Variants in NEO1 observed in about 807,000 individuals in gnomAD.
The protein encoded by NEO1 is neogenin.
NEO1 carries 63 observed loss-of-function variants against 159.7 expected under a neutral mutation model. The observed-to-expected ratio is 0.39, with a 90% CI of 0.32 to 0.49. NEO1 has a LOEUF of 0.49. Ranked by LOEUF, NEO1 falls within the 20% of genes least tolerant of loss-of-function variation. The pLI, the probability that NEO1 is intolerant of heterozygous loss-of-function variation, is 0.85. For missense variants in NEO1, 1,615 were observed against 1,831.0 expected, an observed-to-expected ratio of 0.88 and a Z score of 2.15; for synonymous variants, 633 against 662.0, an observed-to-expected ratio of 0.96 and a Z score of 0.67.
intron 1 of NEO1, among the ~76,000 whole-genome samples, chr15:73,063,718 A>G (rs756213162): frequency 1.3e-5 from 2 of 152,118 alleles, no homozygotes; most frequent in Non-Finnish European, 2.9e-5. Context: ...AGCAACAGAA[A>G]TGTTCCGTAA....
intron 1 of NEO1, among the ~76,000 whole-genome samples, chr15:73,057,867 CTT>C (rs944053875): frequency 5.3e-5 from 8 of 152,138 alleles, no homozygotes; most frequent in Admixed American, 2.0e-4. Flanking sequence ...ATTTTAAAAA[CTT>C]ATTTAAAAAT....
At chr15:73,161,427 C>T (rs1385510218) in intron 5 of NEO1, among the ~76,000 whole-genome samples, 4 of 152,090 alleles carry the variant, frequency 2.6e-5, no homozygotes, top group Non-Finnish European at 4.4e-5. Flanking sequence ...ATAGTTGTGC[C>T]TCCATTTTTT....
chr15:73,142,613 G>A (rs1399338172), intron 5 of NEO1, among the ~76,000 whole-genome samples: 1 of 152,162 alleles, frequency 6.6e-6, no homozygotes, highest in East Asian at 1.9e-4. Flanking sequence ...CTTTCAAAAG[G>A]CAGAGGATTT....
intron 1 of NEO1, 96 bp from the exon 2 acceptor site, chr15:73,116,444 A>G (rs955960110): frequency 1.0e-6 from 1 of 999,658 alleles, no homozygotes. Flanking sequence ...TCAAAGAACA[A>G]CAGTTAATAA....
chr15:73,156,574 G>GT (rs1188116536), intron 5 of NEO1, among the ~76,000 whole-genome samples: 1 of 152,220 alleles, frequency 6.6e-6, no homozygotes, highest in Non-Finnish European at 1.5e-5. Context: ...ATTCACAAGT[G>GT]TTGTGCCCTT....
chr15:73,236,506 G>A lies in NEO1; in HGVS notation c.1451G>A (p.Arg484Lys), dbSNP rs139850324. Residue 484 changes from arginine to lysine, a missense_variant and splice_region_variant, in exon 8 of 29, where the codon AGG (arginine) becomes AAG (lysine). Transcript: ENST00000261908. Reference sequence around the variant, plus strand: ...TTCTACACCAAGGAAGGGATTGCTAGGTAAGTGCCTGTGTGTCTGCAGCCA... The same window carrying A: ...TTCTACACCAAGGAAGGGATTGCTAAGTAAGTGCCTGTGTGTCTGCAGCCA... ...SVFYTKEGIARERVENTSHPG... is the reference protein window; with the variant it reads ...SVFYTKEGIAKERVENTSHPG... The A allele has an allele frequency of 6.2e-7, 1 of 1,613,834 alleles. No individual in the cohort carries two copies. The highest frequency in any genetic ancestry group is 8.5e-7 in the Non-Finnish European group (1 of 1,179,826).
chr15:73,253,365 AAAAAAAAATTTTT>A (rs1265370135), intron 11 of NEO1, 22 bp from the exon 12 acceptor site: 1 of 1,468,026 alleles, frequency 6.8e-7, no homozygotes, highest in Non-Finnish European at 9.3e-7. Context: ...TGGGTGATTA[AAAAAAAAATTTTT>A]TTTTTTTTTT....
chr15:73,157,267 CTT>C (rs1567337184), intron 5 of NEO1, among the ~76,000 whole-genome samples: 1 of 152,226 alleles, frequency 6.6e-6, no homozygotes, highest in Non-Finnish European at 1.5e-5. Context: ...CAGACTCTTG[CTT>C]GAGTCCCAGT....
chr15:73,302,751 C>A lies in NEO1; in HGVS notation c.*55C>A. 6.7e-7 allele frequency: 1 copy of A among 1,487,546 alleles called. No homozygotes were observed. The highest frequency in any genetic ancestry group is 9.3e-7 in the Non-Finnish European group (1 of 1,071,234). The allele number at this position is 1,487,546 out of a possible 1,614,324, so 92.1% of individuals were successfully genotyped here. A position where few individuals can be genotyped will look rare whatever the true frequency, so the allele number is the denominator to read the frequency against. Reference sequence around the variant, plus strand: ...TGAGTCTGGAAGTCTTGGAACTTACCCTTGAAAACAAGGAATTGTACAGAG... The same window carrying A: ...TGAGTCTGGAAGTCTTGGAACTTACACTTGAAAACAAGGAATTGTACAGAG... On this transcript the variant is annotated 3_prime_UTR_variant, in exon 29 of 29. Coordinates refer to ENST00000261908, the MANE Select transcript of NEO1 (RefSeq NM_002499.4).
At chr15:73,076,955 G>C (rs1237271360) in intron 1 of NEO1, among the ~76,000 whole-genome samples, 1 of 152,178 alleles carries the variant, frequency 6.6e-6, no homozygotes, top group Non-Finnish European at 1.5e-5. Flanking sequence ...TGAGTTATCA[G>C]AAAAAGTTCA....
chr15:73,260,164 CTT>C (rs756310243), intron 14 of NEO1, 105 bp from the exon 15 acceptor site: 22 of 896,420 alleles, frequency 2.5e-5, no homozygotes, highest in Admixed American at 7.8e-5. Context: ...ATGTAAAAAA[CTT>C]AGCCCCAAAC....
At position 73,226,650 on chromosome 15, in the gene NEO1, T is replaced by C. The variant is rs143431273; in HGVS notation, c.1292-9697T>C. Among the ~76,000 whole-genome samples, 204 of 152,340 alleles carry C rather than the reference T, an allele frequency of 1.3e-3. 1 individual carries two copies. Among genetic ancestry groups the C allele is most frequent in the African/African-American group, 4.8e-3 (198 of 41,580 alleles). ...TGTGGAAGTATACTTTTGTTCACAC[T>C]GTTACTATGTTTGGAGTAATAAGCA... On this transcript the variant is annotated intron_variant, in intron 7 of 28. Transcript: ENST00000261908.
intron 4 of NEO1, among the ~76,000 whole-genome samples, chr15:73,133,171 A>T (rs2031342264): frequency 6.6e-6 from 1 of 152,028 alleles, no homozygotes; most frequent in Admixed American, 6.6e-5. Context: ...AAATTGTGGT[A>T]TGTATATATA....
At chr15:73,204,337 G>A (rs2037091171) in intron 7 of NEO1, among the ~76,000 whole-genome samples, 2 of 151,920 alleles carry the variant, frequency 1.3e-5, no homozygotes, top group Non-Finnish European at 2.9e-5. Flanking sequence ...TATCCTCTCA[G>A]CTTCTTGGAT....
intron 7 of NEO1, among the ~76,000 whole-genome samples, chr15:73,196,851 G>A (rs959552673): frequency 2.0e-5 from 3 of 152,006 alleles, no homozygotes; most frequent in Non-Finnish European, 4.4e-5. Context: ...CTCTTACTTC[G>A]GCAGATGATC....
intron 1 of NEO1, among the ~76,000 whole-genome samples, chr15:73,070,294 A>G: frequency 6.6e-6 from 1 of 152,212 alleles, no homozygotes; most frequent in East Asian, 1.9e-4. Context: ...TCAGTTTTTA[A>G]TACAGTGGCT....
chr15:73,130,313 C>CCCCG (rs1567267459), intron 4 of NEO1, among the ~76,000 whole-genome samples: 2 of 149,292 alleles, frequency 1.3e-5, no homozygotes, highest in Non-Finnish European at 3.0e-5. Context: ...TTCCCGCCCC[C>CCCCG]CCCGCCGCAT....
chr15:73,298,520 A>G lies in NEO1; in HGVS notation c.4074A>G (p.Pro1358=). The G allele has an allele frequency of 1.2e-6, 2 of 1,614,046 alleles. No homozygotes were observed. The highest frequency in any genetic ancestry group is 1.7e-6 in the Non-Finnish European group (2 of 1,180,002). ...CTGCCCATGTTCGCCCTTCCCACCC[A>G]TTGAAGAGCTTCGCCGTGCCAGCAA... is the stretch of plus-strand genomic sequence containing the variant. ...LPTAHVRPSH[P]LKSFAVPAIP... The change falls in exon 27 of 29, where the codon CCA becomes CCG. Residue 1358 remains proline (P), a synonymous_variant. Coordinates refer to ENST00000261908, the MANE Select transcript of NEO1 (RefSeq NM_002499.4).
intron 5 of NEO1, among the ~76,000 whole-genome samples, chr15:73,152,494 C>T (rs190016628): frequency 5.7e-4 from 87 of 152,336 alleles, no homozygotes; most frequent in South Asian, 2.9e-3. Context: ...CTACCTCACC[C>T]TACACATTTC....
Sources: allele counts gnomAD v4.1 joint callset (sites outside exome capture counted in the v4.1 genomes callset), GRCh38; gene constraint gnomAD v4.1.1; transcripts MANE v1.5; gene names NCBI Gene and HGNC (gene_info 2026-07-23, HGNC 2026-07-21).